The following NTN5 variants were observed in gnomAD, a reference collection of about 807,000 sequenced individuals.
The protein encoded by NTN5 is netrin 5, also known as netrin-5.
NTN5 carries 42 observed loss-of-function variants against 38.7 expected under a neutral mutation model. The ratio of observed to expected loss-of-function variants is 1.08; its 90% CI spans 0.85 to 1.40. The LOEUF is 1.40. Among genes scored for constraint, NTN5 ranks in the 40% most tolerant of loss-of-function variants. NTN5 has a pLI of 0.00. For missense variants in NTN5, 658 were observed against 716.5 expected (o/e 0.92, Z 0.93); for synonymous variants, 329 against 303.9 (o/e 1.08, Z -0.86).
In NTN5 at chr19:48,664,738, AGCGTC is replaced by A. The variant is rs1292814779; in HGVS notation, c.656_660del (p.Arg219LeufsTer6). On this transcript the variant is annotated frameshift_variant, in exon 3 of 7. Transcript: ENST00000270235. LOFTEE classifies it high-confidence loss of function. ...CTGAACAGCTCAGAGTTGAACCGGC[AGCGTC>A]GGGCGTGCTGGTTGCAGGAGCAGGC... The A allele has an allele frequency of 6.3e-7, 1 of 1,581,904 alleles. No individual in the cohort carries two copies. The highest frequency in any genetic ancestry group is 1.1e-5 in the South Asian group (1 of 87,148).
At position 48,670,357 on chromosome 19, in the gene NTN5, T is replaced by TA. The variant is rs967551594; in HGVS notation, c.629dup (p.Pro211ThrfsTer16). 10 of 1,409,220 alleles carry TA rather than the reference T, an allele frequency of 7.1e-6. No individual in the cohort carries two copies. In the Admixed American group the frequency reaches 2.0e-4, roughly 29 times the overall value. 87.3% of individuals were successfully genotyped at this position (1,409,220 alleles called of 1,614,324 possible). On this transcript the variant is annotated frameshift_variant and splice_region_variant, in exon 2 of 7. Coordinates refer to ENST00000270235, the MANE Select transcript of NTN5 (RefSeq NM_145807.4). LOFTEE classifies it high-confidence loss of function. ...GAGAGTGAGGGGCGCAGGACTCACG[T>TA]AGGCAAGGGTGGGGGTGCCGGGGCG...
rs750924594 is a variant in NTN5 at position 48,661,939 on chromosome 19, C to A, written c.1208G>T (p.Arg403Leu). The A allele has an allele frequency of 3.6e-6, 5 of 1,383,696 alleles. No individual in the cohort carries two copies. The East Asian group carries it at 1.3e-4, about 37-fold the overall frequency. The allele number at this position is 1,383,696 out of a possible 1,614,324, so 85.7% of individuals were successfully genotyped here. A position where few individuals can be genotyped will look rare whatever the true frequency, so the allele number is the denominator to read the frequency against. The change falls in exon 7 of 7, where the codon CGA becomes CTA. Residue 403 changes from arginine to leucine, a missense_variant. Transcript: ENST00000270235. ...CACCCAGGCGTCCTGGTCGCCGCGTCGCACGGGCTGCGCCCGCTGCTTGTA... is the reference window on the plus strand; with the variant it reads ...CACCCAGGCGTCCTGGTCGCCGCGTAGCACGGGCTGCGCCCGCTGCTTGTA... ...AVYKQRAQPV[R>L]RGDQDAWVPR... is the part of the protein sequence containing the mutation.
chr19:48,668,500 G>A (rs1340707770), intron 2 of NTN5, among the ~76,000 whole-genome samples: 1 of 152,164 alleles, frequency 6.6e-6, no homozygotes, highest in Non-Finnish European at 1.5e-5. Flanking sequence ...GAGGAGCTGG[G>A]ATTCAAGCCC....
rs1432641106 is a variant in NTN5, at chr19:48,661,737, C to T, written c.1410G>A (p.Glu470=). The T allele has an allele frequency of 1.3e-6, 2 of 1,538,068 alleles. No individual in the cohort carries two copies. The highest frequency in any genetic ancestry group is 1.7e-6 in the Non-Finnish European group (2 of 1,153,284). The change falls in exon 7 of 7, where the codon GAG becomes GAA. Residue 470 remains glutamate, a synonymous_variant. Coordinates refer to ENST00000270235, the MANE Select transcript of NTN5 (RefSeq NM_145807.4). The part of the protein sequence containing the change: ...ARPLKRLQQE[E]RAGGCRGVRA... ...GCACGCCGCGGCAGCCTCCGGCGCG[C>T]TCCTCCTGCTGCAGCCGCTTCAGGG...
rs1412893767 is a variant in NTN5 at position 48,670,962 on chromosome 19, G to A, written c.25C>T (p.Leu9Phe). 1 of 1,547,586 alleles carries A rather than the reference G, an allele frequency of 6.5e-7. No individual in the cohort carries two copies. Among genetic ancestry groups the A allele is most frequent in the African/African-American group, 1.4e-5 (1 of 73,132 alleles). The change falls in exon 2 of 7, where the codon CTC becomes TTC. Residue 9 changes from leucine to phenylalanine, a missense_variant. By Grantham distance (22) the Leu-to-Phe change is conservative. Transcript: ENST00000270235. ...TCCGCAGTGGCCTGGCCCAGGAGGA[G>A]CAGGAGGGCAAAGGTCACGGGCATG... MPVTFALLLLLGQATADPC... is the reference protein window; with the variant it reads MPVTFALLFLLGQATADPC...
In NTN5 at chr19:48,664,011, C is replaced by T. The variant is rs1334980408; in HGVS notation, c.970+132G>A. 6 of 1,271,038 alleles carry T rather than the reference C, an allele frequency of 4.7e-6. No individual in the cohort carries two copies. In the East Asian group the frequency reaches 1.0e-4, roughly 21 times the overall value. The allele number at this position is 1,271,038 out of a possible 1,614,324, so 78.7% of individuals were successfully genotyped here. A position where few individuals can be genotyped will look rare whatever the true frequency, so the allele number is the denominator to read the frequency against. On this transcript the variant is annotated intron_variant, in intron 4 of 6. Transcript: ENST00000270235. ...ATTTCAGTCCCTGCTTATCCGAGGG[C>T]CCAGAGTCCAGCCTCCAGCCTTGGG...
At position 48,664,865 on chromosome 19, in the gene NTN5, G is replaced by A. The variant is rs183330783; in HGVS notation, c.632-98C>T. The stretch of plus-strand genomic sequence containing the variant: ...GGCCCTGCCCTCATGAAAGGAAGCC[G>A]TGAGTGTCCAAGGTAGAAGAGAATG... On this transcript the variant is annotated intron_variant, in intron 2 of 6. Transcript: ENST00000270235. The A allele has an allele frequency of 1.7e-5, 18 of 1,064,186 alleles. No individual in the cohort carries two copies. The Admixed American group carries it at 2.9e-4, about 17-fold the overall frequency. The allele number at this position is 1,064,186 out of a possible 1,614,324, so 65.9% of individuals were successfully genotyped here. A position where few individuals can be genotyped will look rare whatever the true frequency, so the allele number is the denominator to read the frequency against.
chr19:48,661,816 A>C lies in NTN5; in HGVS notation c.1331T>G (p.Leu444Arg). ...CGCGAGGCCGTGGCGGTCGAGGATG[A>C]GGCGCGTGGGGTCGGGGTCGCCCAC... is the stretch of plus-strand genomic sequence containing the variant. Reference protein sequence around the residue: ...SAVGDPDPTRLILDRHGLALP... With the variant: ...SAVGDPDPTRRILDRHGLALP... The change falls in exon 7 of 7, where the codon CTC becomes CGC. Residue 444 changes from leucine (L) to arginine (R), a missense_variant. By Grantham distance (102) the Leu-to-Arg change is moderately radical (BLOSUM62 -2). Coordinates refer to ENST00000270235, the MANE Select transcript of NTN5 (RefSeq NM_145807.4). 7.5e-7 allele frequency: 1 copy of C among 1,341,186 alleles called. No individual in the cohort carries two copies. Among genetic ancestry groups the C allele is most frequent in the Non-Finnish European group, 9.5e-7 (1 of 1,052,120 alleles). The allele number at this position is 1,341,186 out of a possible 1,614,324, so 83.1% of individuals were successfully genotyped here.
chr19:48,663,641 G>T (rs1259944208), intron 5 of NTN5, 98 bp from the exon 6 acceptor site: 2 of 1,515,648 alleles, frequency 1.3e-6, no homozygotes, highest in Non-Finnish European at 1.8e-6. Flanking sequence ...GGCCAGCTGG[G>T]GTACCCAAAC....
rs1006129570 is a variant in NTN5, at chr19:48,661,838, C to T, written c.1309G>A (p.Gly437Ser). The change falls in exon 7 of 7, where the codon GGC (glycine) becomes AGC (serine). Residue 437 changes from glycine to serine, a missense_variant. Gly to Ser is a moderately conservative substitution (Grantham distance 56, BLOSUM62 0). Coordinates refer to ENST00000270235, the MANE Select transcript of NTN5 (RefSeq NM_145807.4). ...TDYLLLGSAVGDPDPTRLILD... is the reference protein window; with the variant it reads ...TDYLLLGSAVSDPDPTRLILD... ...ATGAGGCGCGTGGGGTCGGGGTCGCCCACGGCGCTGCCCAGCAGCAGGTAG... is the reference window on the plus strand; with the variant it reads ...ATGAGGCGCGTGGGGTCGGGGTCGCTCACGGCGCTGCCCAGCAGCAGGTAG... 2.2e-6 allele frequency: 3 copies of T among 1,333,748 alleles called. No individual in the cohort carries two copies. The African/African-American group carries it at 4.7e-5, about 21-fold the overall frequency. 82.6% of individuals were successfully genotyped at this position (1,333,748 alleles called of 1,614,324 possible). A position where few individuals can be genotyped will look rare whatever the true frequency, so the allele number is the denominator to read the frequency against.
rs746359958 is a variant in NTN5, at chr19:48,670,660, G to A, written c.327C>T (p.Pro109=). 2.2e-5 allele frequency: 35 copies of A among 1,606,474 alleles called. No individual in the cohort carries two copies. The highest frequency in any genetic ancestry group is 7.8e-5 in the South Asian group (7 of 90,272). ...GGCCCCCTAAGGCCCCAGGCCAGGC[G>A]GGCCTGTGCCACAGCAGCCTCCAGG... ...GGPWRLLWHR[P]AWPGALGGPE... The change falls in exon 2 of 7, where the codon CCC becomes CCT. Residue 109 remains proline (P), a synonymous_variant. Transcript: ENST00000270235.
chr19:48,672,023 G>A (rs939685157), intron 1 of NTN5, among the ~76,000 whole-genome samples: 2 of 152,146 alleles, frequency 1.3e-5, no homozygotes, highest in South Asian at 4.1e-4. Context: ...GGAAGTTAGC[G>A]TTCTGGGACT....
chr19:48,668,439 G>T (rs765923429), intron 2 of NTN5, among the ~76,000 whole-genome samples: 12 of 152,194 alleles, frequency 7.9e-5, no homozygotes, highest in Non-Finnish European at 1.6e-4. Flanking sequence ...GGAGGAAACT[G>T]GGGCACCAAA....
chr19:48,663,901 C>CTT, intron 4 of NTN5, 87 bp from the exon 5 acceptor site: 10 of 1,365,514 alleles, frequency 7.3e-6, no homozygotes, highest in Non-Finnish European at 1.0e-5. Context: ...CACCCAAACT[C>CTT]TTAAGTGTTT....
chr19:48,664,286 T>C lies in NTN5; in HGVS notation c.827A>G (p.Gln276Arg), dbSNP rs1469224067. 1 of 1,612,842 alleles carries C rather than the reference T, an allele frequency of 6.2e-7. No individual in the cohort carries two copies. The highest frequency in any genetic ancestry group is 1.3e-5 in the African/African-American group (1 of 75,048). Reference protein sequence around the residue: ...IFSRRACRACQCHPIGATGGT... With the variant: ...IFSRRACRACRCHPIGATGGT... The stretch of plus-strand genomic sequence containing the variant: ...TCCTGTTGCCCCAATAGGGTGGCAC[T>C]GGCAGGCTACATGAGCAGAGGAGCT... The change falls in exon 4 of 7, where the codon CAG becomes CGG. Residue 276 changes from glutamine (Q) to arginine (R), a missense_variant. Physicochemically the swap from Gln to Arg is conservative, Grantham distance 43. Coordinates refer to ENST00000270235, the MANE Select transcript of NTN5 (RefSeq NM_145807.4).
chr19:48,670,925 T>C lies in NTN5; in HGVS notation c.62A>G (p.Asp21Gly). The change falls in exon 2 of 7, where the codon GAT (aspartate) becomes GGT (glycine). Residue 21 changes from aspartate (D) to glycine (G), a missense_variant. Transcript: ENST00000270235. ...LGQATADPCY[D>G]PQGRPQFCLP... Reference sequence around the variant, plus strand: ...GCAGAATTGGGGGCGGCCCTGTGGATCGTAGCATGGGTCCGCAGTGGCCTG... The same window carrying C: ...GCAGAATTGGGGGCGGCCCTGTGGACCGTAGCATGGGTCCGCAGTGGCCTG... 6.3e-7 allele frequency: 1 copy of C among 1,594,906 alleles called. No individual in the cohort carries two copies. Among genetic ancestry groups the C allele is most frequent in the Non-Finnish European group, 8.5e-7 (1 of 1,169,874 alleles).
rs780790400 is a variant in NTN5 at position 48,661,557 on chromosome 19, T to A, written c.*120A>T. ...CTGCTCGGCGTGGGCGCAAGCATAGTGTCGTCGGGGCTCTGCGACGTCTGA... is the reference window on the plus strand; with the variant it reads ...CTGCTCGGCGTGGGCGCAAGCATAGAGTCGTCGGGGCTCTGCGACGTCTGA... On this transcript the variant is annotated 3_prime_UTR_variant, in exon 7 of 7. Transcript: ENST00000270235. 1.6e-4 allele frequency: 190 copies of A among 1,197,010 alleles called. No homozygotes were observed. Among genetic ancestry groups the A allele is most frequent in the Non-Finnish European group, 2.0e-4 (184 of 930,796 alleles). The allele number at this position is 1,197,010 out of a possible 1,614,324, so 74.1% of individuals were successfully genotyped here.
chr19:48,661,980 C>A lies in NTN5; in HGVS notation c.1167G>T (p.Val389=). 1 of 1,481,422 alleles carries A rather than the reference C, an allele frequency of 6.8e-7. No homozygotes were observed. Among genetic ancestry groups the A allele is most frequent in the Non-Finnish European group, 8.9e-7 (1 of 1,123,228 alleles). 91.8% of individuals were successfully genotyped at this position (1,481,422 alleles called of 1,614,324 possible). ...AAGPAWQRLA[V]RVLAVYKQRA... ...GCTGCTTGTAAACGGCCAGCACGCG[C>A]ACGGCCAGCCGCTGCCATGCCGGGC... Residue 389 remains valine (V), a synonymous_variant, in exon 7 of 7, where the codon GTG becomes GTT. Coordinates refer to ENST00000270235, the MANE Select transcript of NTN5 (RefSeq NM_145807.4).
intron 2 of NTN5, among the ~76,000 whole-genome samples, chr19:48,669,915 CCAT>C (rs2031895277): frequency 1.7e-5 from 2 of 114,448 alleles, no homozygotes; most frequent in Admixed American, 8.8e-5. Context: ...ACCACCACCA[CCAT>C]CACCATCATC....
Sources: gnomAD v4.1 joint callset for allele counts (sites outside exome capture counted in the v4.1 genomes callset) on GRCh38, gnomAD v4.1.1 for gene constraint, MANE v1.5 for transcripts, NCBI Gene and HGNC (gene_info 2026-07-23, HGNC 2026-07-21) for gene names.